Variants in XYLB observed in about 807,000 individuals in gnomAD.
The protein encoded by XYLB is xylulokinase.
XYLB carries 62 observed loss-of-function variants against 78.7 expected under a neutral mutation model. The ratio of observed to expected loss-of-function variants is 0.79; its 90% CI spans 0.64 to 0.97. XYLB has a LOEUF of 0.97. Ranked by LOEUF, XYLB falls within the 50% of genes least tolerant of loss-of-function variation. XYLB has a pLI of 0.00. For missense variants in XYLB, 687 were observed against 676.8 expected (o/e 1.02, Z -0.17); for synonymous variants, 245 against 247.4 (o/e 0.99, Z 0.09).
At chr3:38,381,929 G>A (rs1297872471) in intron 15 of XYLB, among the ~76,000 whole-genome samples, 1 of 152,160 alleles carries the variant, frequency 6.6e-6, no homozygotes, top group Admixed American at 6.5e-5. Flanking sequence ...CTTGATGTCT[G>A]TCACCCACAC....
chr3:38,365,865 G>T, intron 6 of XYLB, 129 bp downstream of exon 6: 1 of 1,386,662 alleles, frequency 7.2e-7, no homozygotes, highest in Non-Finnish European at 9.5e-7. Flanking sequence ...CAGGCACTCT[G>T]GCCCCTGGGT....
the XYLB span, among the ~76,000 whole-genome samples, chr3:38,441,290 G>C: frequency 6.6e-6 from 1 of 152,196 alleles, no homozygotes; most frequent in Admixed American, 6.5e-5. Flanking sequence ...CCAGTTCTAA[G>C]GCTCACGTAA....
rs1375256509 is a variant in XYLB at position 38,414,777 on chromosome 3, A to G, written c.*1764A>G. ...TAGAAGGTAGGAGTAAGAAAAGCTA[A>G]GAGAAGCAAAACAAACAAAGCAATA... On this transcript the variant is annotated 3_prime_UTR_variant, in exon 19 of 19. Coordinates refer to ENST00000207870, the MANE Select transcript of XYLB (RefSeq NM_005108.4). 1 of 152,060 alleles carries G rather than the reference A, an allele frequency of 6.6e-6. No homozygotes were observed. Among genetic ancestry groups the G allele is most frequent in the Non-Finnish European group, 1.5e-5 (1 of 68,032 alleles). 9.4% of individuals were successfully genotyped at this position (152,060 alleles called of 1,614,324 possible). A position where few individuals can be genotyped will look rare whatever the true frequency, so the allele number is the denominator to read the frequency against.
chr3:38,437,014 TAATA>T, the XYLB span, among the ~76,000 whole-genome samples: 1 of 124,118 alleles, frequency 8.1e-6, no homozygotes, highest in African/African-American at 2.8e-5. Flanking sequence ...AAAATAATAA[TAATA>T]ATAATAATAA....
In XYLB at chr3:38,357,860, T is replaced by C. The variant is rs996583385; in HGVS notation, c.141-2479T>C. On this transcript the variant is annotated intron_variant, in intron 2 of 18. Transcript: ENST00000207870. ...AAATGTCTATTAAGATCTTTTGCCCTTTTTTAAAAAAAAACTGTGTTATTT... is the reference window on the plus strand; with the variant it reads ...AAATGTCTATTAAGATCTTTTGCCCCTTTTTAAAAAAAAACTGTGTTATTT... 6.9e-5 allele frequency among the ~76,000 whole-genome samples: 9 copies of C among 131,220 alleles called. No homozygotes were observed. The South Asian group carries it at 2.6e-3, about 38-fold the overall frequency. The allele number at this position is 131,220 out of a possible 152,430, so 86.1% of individuals were successfully genotyped here.
chr3:38,394,895 G>A (rs1274892789), intron 15 of XYLB, among the ~76,000 whole-genome samples: 1 of 152,164 alleles, frequency 6.6e-6, no homozygotes, highest in East Asian at 1.9e-4. Context: ...CCCTAGGGCT[G>A]CTTGAGTGTC....
intron 5 of XYLB, 27 bp from the exon 6 acceptor site, chr3:38,365,581 A>C: frequency 6.3e-7 from 1 of 1,597,328 alleles, no homozygotes; most frequent in Non-Finnish European, 8.6e-7. Context: ...ATGGAGCTTA[A>C]GCCTGTGCCT....
intron 15 of XYLB, among the ~76,000 whole-genome samples, chr3:38,392,414 C>T (rs775419648): frequency 9.9e-5 from 15 of 152,196 alleles, no homozygotes; most frequent in Non-Finnish European, 2.1e-4. Context: ...TCTCCTGCCT[C>T]AGCCTCCTGA....
chr3:38,364,057 G>GC (rs1229277189), intron 4 of XYLB, among the ~76,000 whole-genome samples: 2 of 151,958 alleles, frequency 1.3e-5, no homozygotes, highest in Non-Finnish European at 2.9e-5. Flanking sequence ...CTCCCTCCTA[G>GC]CTAATCCCCG....
chr3:38,452,040 C>T, the XYLB span: 1 of 152,142 alleles, frequency 6.6e-6, no homozygotes, highest in South Asian at 2.1e-4. Context: ...ATGGAGATAA[C>T]GATTTATACT....
At chr3:38,439,360 G>A in the XYLB span, among the ~76,000 whole-genome samples, 1 of 152,296 alleles carries the variant, frequency 6.6e-6, no homozygotes, top group South Asian at 2.1e-4. Flanking sequence ...AACCAAATTT[G>A]ACAAGGATGT....
intron 15 of XYLB, among the ~76,000 whole-genome samples, chr3:38,390,318 A>G (rs1190184733): frequency 7.2e-5 from 11 of 152,106 alleles, no homozygotes; most frequent in Non-Finnish European, 1.3e-4. Flanking sequence ...GGTTTAAGCA[A>G]TTCTCCTACC....
the XYLB span, among the ~76,000 whole-genome samples, chr3:38,435,082 G>A: frequency 6.6e-6 from 1 of 150,972 alleles, no homozygotes; most frequent in Non-Finnish European, 1.5e-5. Context: ...ATTGCAGTGA[G>A]CCGAGATCAC....
At chr3:38,379,679 T>G (rs1302553232) in intron 15 of XYLB, among the ~76,000 whole-genome samples, 4 of 152,162 alleles carry the variant, frequency 2.6e-5, no homozygotes, top group African/African-American at 7.2e-5. Flanking sequence ...TGCAAAGACA[T>G]AGGCAGTGCA....
At position 38,366,788 on chromosome 3, in the gene XYLB, A is replaced by G. The variant is rs760129752; in HGVS notation, c.508-20A>G. 1 of 1,591,416 alleles carries G rather than the reference A, an allele frequency of 6.3e-7. No individual in the cohort carries two copies. Among genetic ancestry groups the G allele is most frequent in the Non-Finnish European group, 8.6e-7 (1 of 1,159,774 alleles). On this transcript the variant is annotated intron_variant, in intron 6 of 18. Transcript: ENST00000207870. ...TCTGTGTAGGATTTGGGTTCCTAAG[A>G]ATTTATATTCCTTTTCCAGCGTTTT...
the XYLB span, among the ~76,000 whole-genome samples, chr3:38,441,544 G>T: frequency 6.6e-6 from 1 of 152,132 alleles, no homozygotes; most frequent in Non-Finnish European, 1.5e-5. Context: ...CCATCCTCTG[G>T]GAGAAAAGTA....
At chr3:38,357,859 CT>C (rs1312082529) in intron 2 of XYLB, among the ~76,000 whole-genome samples, 435 of 135,206 alleles carry the variant, frequency 3.2e-3, no homozygotes, top group African/African-American at 0.011. Flanking sequence ...ATCTTTTGCC[CT>C]TTTTTAAAAA....
chr3:38,431,047 TG>T, the XYLB span, among the ~76,000 whole-genome samples: 1 of 152,254 alleles, frequency 6.6e-6, no homozygotes, highest in South Asian at 2.1e-4. Flanking sequence ...GGCTCCTTTT[TG>T]GTTCCATATG....
chr3:38,437,359 C>G, the XYLB span, among the ~76,000 whole-genome samples: 1 of 152,094 alleles, frequency 6.6e-6, no homozygotes, highest in Non-Finnish European at 1.5e-5. Flanking sequence ...TGGAACAAGA[C>G]AAGTCACTTT....
Sources: allele counts gnomAD v4.1 joint callset (sites outside exome capture counted in the v4.1 genomes callset), GRCh38; gene constraint gnomAD v4.1.1; transcripts MANE v1.5; gene names NCBI Gene and HGNC (gene_info 2026-07-23, HGNC 2026-07-21).